The following AOPEP variants were observed in gnomAD, a reference collection of about 807,000 sequenced individuals.
AOPEP encodes aminopeptidase O.
A neutral mutation model predicts 98.1 loss-of-function variants in AOPEP; 77 were observed. The observed-to-expected ratio is 0.78, with a 90% confidence interval of 0.65 to 0.95. The LOEUF (loss-of-function observed/expected upper bound fraction) is 0.95, where lower values mean the gene tolerates loss of function less well. Ranked by LOEUF, AOPEP falls within the 40% of genes least tolerant of loss-of-function variation. The pLI is 0.00. For missense variants in AOPEP, 1,024 were observed against 1,024.7 expected, an observed-to-expected ratio of 1.00 and a Z score of 0.01; for synonymous variants, 346 against 365.3, an observed-to-expected ratio of 0.95 and a Z score of 0.60.
intron 10 of AOPEP, among the ~76,000 whole-genome samples, chr9:94,976,095 T>C (rs1230496324): frequency 6.6e-6 from 1 of 152,196 alleles, no homozygotes; most frequent in Non-Finnish European, 1.5e-5. Flanking sequence ...CTTCAACACC[T>C]AGAGGACCAT....
At chr9:94,875,473 A>G (rs530184960) in intron 5 of AOPEP, among the ~76,000 whole-genome samples, 1 of 152,268 alleles carries the variant, frequency 6.6e-6, no homozygotes, top group East Asian at 1.9e-4. Context: ...GGAAAGTGAT[A>G]CACAGAAAAC....
chr9:94,784,046 A>G (rs1192889465), intron 3 of AOPEP, among the ~76,000 whole-genome samples: 1 of 152,186 alleles, frequency 6.6e-6, no homozygotes, highest in East Asian at 1.9e-4. Context: ...GAAAAAGTAA[A>G]ATGGATGGTT....
intron 5 of AOPEP, among the ~76,000 whole-genome samples, chr9:94,902,700 G>A (rs1329938279): frequency 6.6e-6 from 1 of 151,798 alleles, no homozygotes; most frequent in African/African-American, 2.4e-5. Context: ...TTGTGGGTGT[G>A]TTCCCCTGGG....
At chr9:95,144,990 T>C in the AOPEP span, among the ~76,000 whole-genome samples, 4 of 152,296 alleles carry the variant, frequency 2.6e-5, no homozygotes, top group Admixed American at 2.0e-4. Context: ...AAAAAGGCCA[T>C]TTTATTTTTT....
At chr9:95,038,034 G>T (rs952839994) in intron 13 of AOPEP, among the ~76,000 whole-genome samples, 1 of 152,100 alleles carries the variant, frequency 6.6e-6, no homozygotes, top group African/African-American at 2.4e-5. Flanking sequence ...CTGTCTGTCC[G>T]TCCATGCTCC....
At chr9:94,899,376 A>C in intron 5 of AOPEP, among the ~76,000 whole-genome samples, 1 of 144,498 alleles carries the variant, frequency 6.9e-6, no homozygotes. Context: ...TTTAGTAGAG[A>C]CGAGGTTTCA....
At chr9:94,802,939 C>T (rs964467544) in intron 5 of AOPEP, among the ~76,000 whole-genome samples, 1 of 152,126 alleles carries the variant, frequency 6.6e-6, no homozygotes, top group Non-Finnish European at 1.5e-5. Flanking sequence ...CTTGGCTTGA[C>T]TCTGTCGGGA....
intron 13 of AOPEP, among the ~76,000 whole-genome samples, chr9:95,047,223 T>C (rs974025660): frequency 1.3e-5 from 2 of 152,216 alleles, no homozygotes; most frequent in Non-Finnish European, 2.9e-5. Flanking sequence ...AAATATACAG[T>C]TTGAAAGTGG....
chr9:95,033,332 AC>A (rs2064489691), intron 13 of AOPEP, among the ~76,000 whole-genome samples: 1 of 151,558 alleles, frequency 6.6e-6, no homozygotes, highest in Non-Finnish European at 1.5e-5. Context: ...CTCCTCTCTT[AC>A]CCCCTAAAAC....
chr9:95,090,077 C>T (rs1587995371), downstream of AOPEP, among the ~76,000 whole-genome samples: 2 of 152,158 alleles, frequency 1.3e-5, no homozygotes, highest in Non-Finnish European at 2.9e-5. Context: ...CCTGAGGCTG[C>T]GTGGGGCTAA....
intron 1 of AOPEP, among the ~76,000 whole-genome samples, chr9:94,730,176 C>T (rs989015861): frequency 4.6e-5 from 7 of 151,400 alleles, no homozygotes; most frequent in Admixed American, 4.0e-4. Context: ...CCCAGCTACT[C>T]GTGAGGCTGA....
At chr9:94,752,463 A>G (rs955908427) in intron 1 of AOPEP, among the ~76,000 whole-genome samples, 1 of 152,184 alleles carries the variant, frequency 6.6e-6, no homozygotes, top group Non-Finnish European at 1.5e-5. Flanking sequence ...CTTTCTTATC[A>G]GCAAAAAGAT....
At chr9:95,092,896 C>T in the AOPEP span, among the ~76,000 whole-genome samples, 25 of 152,296 alleles carry the variant, frequency 1.6e-4, 1 homozygote, top group South Asian at 4.1e-3. Context: ...ACTCTTCACC[C>T]GTGATCCCTG....
intron 1 of AOPEP, among the ~76,000 whole-genome samples, chr9:94,750,031 C>T (rs1835333232): frequency 6.6e-6 from 1 of 152,230 alleles, no homozygotes; most frequent in Non-Finnish European, 1.5e-5. Flanking sequence ...CTTGGCTGAA[C>T]TCAGACTTCT....
At chr9:95,148,262 T>TA in the AOPEP span, among the ~76,000 whole-genome samples, 1 of 152,154 alleles carries the variant, frequency 6.6e-6, no homozygotes, top group African/African-American at 2.4e-5. Flanking sequence ...TTCTGCTTCA[T>TA]AACAAAAAAA....
intron 5 of AOPEP, among the ~76,000 whole-genome samples, chr9:94,898,109 G>A (rs1446921112): frequency 6.6e-6 from 1 of 151,882 alleles, no homozygotes; most frequent in Admixed American, 6.6e-5. Context: ...CGAAATGCTG[G>A]GATTACAGGC....
At chr9:95,032,884 G>C (rs894916640) in intron 13 of AOPEP, among the ~76,000 whole-genome samples, 1 of 152,186 alleles carries the variant, frequency 6.6e-6, no homozygotes, top group African/African-American at 2.4e-5. Flanking sequence ...ACCAGGCTAT[G>C]TGATGGGCAT....
At chr9:94,975,459 T>A (rs1025072823) in intron 10 of AOPEP, among the ~76,000 whole-genome samples, 3 of 152,050 alleles carry the variant, frequency 2.0e-5, no homozygotes, top group Non-Finnish European at 4.4e-5. Context: ...GTACTAACTA[T>A]GTTAAAGCAG....
At chr9:95,069,740 C>T (rs1485496286) in intron 14 of AOPEP, among the ~76,000 whole-genome samples, 1 of 152,252 alleles carries the variant, frequency 6.6e-6, no homozygotes, top group Non-Finnish European at 1.5e-5. Context: ...ACTTGACCCT[C>T]ACCATGATCT....
Sources: gnomAD v4.1 joint callset for allele counts (sites outside exome capture counted in the v4.1 genomes callset) on GRCh38, gnomAD v4.1.1 for gene constraint, MANE v1.5 for transcripts, NCBI Gene and HGNC (gene_info 2026-07-23, HGNC 2026-07-21) for gene names.